Variants in UNC80 observed in about 807,000 individuals in gnomAD.
UNC80 encodes the protein unc-80 subunit of NALCN channel complex.
In UNC80, 164 loss-of-function variants were observed where a neutral mutation model predicts 384.6. That is an observed-to-expected ratio of 0.43 (90% CI 0.38 to 0.49). The LOEUF is 0.49. Among genes scored for constraint, UNC80 ranks in the 20% least tolerant of loss-of-function variants. The pLI, the probability that UNC80 is intolerant of heterozygous loss-of-function variation, is 0.00. For missense variants in UNC80, 3,330 were observed against 4,143.0 expected, an observed-to-expected ratio of 0.80 and a Z score of 5.39; for synonymous variants, 1,486 against 1,527.8, an observed-to-expected ratio of 0.97 and a Z score of 0.64.
chr2:209,856,821 T>C lies in UNC80; in HGVS notation c.3627+7198T>C, dbSNP rs185330015. Among the ~76,000 whole-genome samples the C allele has an allele frequency of 4.6e-5, 7 of 152,100 alleles. No individual in the cohort carries two copies. The East Asian group carries it at 9.7e-4, about 21-fold the overall frequency. On this transcript the variant is annotated intron_variant, in intron 22 of 64. Coordinates refer to ENST00000673920, the MANE Select transcript of UNC80 (RefSeq NM_001371986.1). ...TTTCGTTTTTGAGATGGAGGCTTGC[T>C]CTGTTGCCCAGGCTGGAGTGCAGTG... is the stretch of plus-strand genomic sequence containing the variant.
intron 4 of UNC80, 84 bp from the exon 5 acceptor site, chr2:209,785,982 T>C (rs1420238101): frequency 2.8e-6 from 4 of 1,410,712 alleles, no homozygotes; most frequent in East Asian, 4.9e-5. Context: ...ACCTTGTGAG[T>C]GATGTTAATC....
intron 64 of UNC80, 110 bp from the exon 65 acceptor site, chr2:209,995,219 A>C: frequency 1.5e-6 from 2 of 1,378,736 alleles, no homozygotes; most frequent in South Asian, 1.4e-5. Context: ...TGGAACTGGG[A>C]CTAGCCATCT....
At chr2:209,919,486 A>G (rs948847978) in intron 33 of UNC80, among the ~76,000 whole-genome samples, 37 of 152,202 alleles carry the variant, frequency 2.4e-4, no homozygotes, top group Admixed American at 3.3e-4. Flanking sequence ...AATAGAATTG[A>G]AAAGTATCTT....
chr2:209,807,395 T>C (rs6751939), intron 7 of UNC80, among the ~76,000 whole-genome samples: 4,500 of 143,308 alleles, frequency 0.031, 229 homozygotes, highest in African/African-American at 0.11. Flanking sequence ...GACGGAGTCT[T>C]GCTGTGTCGC....
At chr2:209,820,261 G>C (rs1241328929) in intron 12 of UNC80, 50 bp from the exon 13 acceptor site, 2 of 1,476,536 alleles carry the variant, frequency 1.4e-6, no homozygotes, top group Non-Finnish European at 1.8e-6. Flanking sequence ...TCTTTAGGAA[G>C]AGGGAGTGCA....
intron 4 of UNC80, among the ~76,000 whole-genome samples, chr2:209,780,773 T>C (rs2077115392): frequency 6.6e-6 from 1 of 152,126 alleles, no homozygotes; most frequent in Non-Finnish European, 1.5e-5. Context: ...TATCAGGTTC[T>C]GTTGGAGCCT....
chr2:209,891,040 T>C (rs575456889), intron 26 of UNC80, among the ~76,000 whole-genome samples: 14 of 152,350 alleles, frequency 9.2e-5, no homozygotes, highest in Non-Finnish European at 2.1e-4. Flanking sequence ...AATGATTTTA[T>C]GTGTTGAAGT....
Position 209,896,276 on chromosome 2 carries a change from G to A in UNC80, c.4481-37G>A, listed in dbSNP as rs138267942. 4.9e-4 allele frequency: 743 copies of A among 1,531,068 alleles called. 2 individuals are homozygous for A. Among genetic ancestry groups the A allele is most frequent in the Middle Eastern group, 1.4e-3 (8 of 5,762 alleles). 94.8% of individuals were successfully genotyped at this position (1,531,068 alleles called of 1,614,324 possible). ...TACCAACATGCTCTCCAGGGAGACCGAACACTGAAACCTTTCTTGGTATTT... is the reference window on the plus strand; with the variant it reads ...TACCAACATGCTCTCCAGGGAGACCAAACACTGAAACCTTTCTTGGTATTT... On this transcript the variant is annotated intron_variant, in intron 27 of 64. Transcript: ENST00000673920.
chr2:209,800,000 A>G (rs1274125607), intron 7 of UNC80, among the ~76,000 whole-genome samples: 1 of 152,184 alleles, frequency 6.6e-6, no homozygotes, highest in Non-Finnish European at 1.5e-5. Context: ...TTTTGCATCA[A>G]TGTTCATCAG....
rs2093524826 is a variant in UNC80 at position 209,999,224 on chromosome 2, A to T, written c.*3629A>T. On this transcript the variant is annotated 3_prime_UTR_variant, in exon 65 of 65. Coordinates refer to ENST00000673920, the MANE Select transcript of UNC80 (RefSeq NM_001371986.1). ...ATAAATACTGAAATGTTTATGAAAG[A>T]TATTTATGAAAGATATTAAGACTTC... 6.6e-6 allele frequency: 1 copy of T among 152,248 alleles called. No homozygotes were observed. The highest frequency in any genetic ancestry group is 1.5e-5 in the Non-Finnish European group (1 of 68,042). The allele number at this position is 152,248 out of a possible 1,614,324, so 9.4% of individuals were successfully genotyped here.
chr2:209,840,498 A>G, intron 19 of UNC80, 44 bp from the exon 20 acceptor site: 1 of 1,479,550 alleles, frequency 6.8e-7, no homozygotes, highest in Non-Finnish European at 9.2e-7. Context: ...AATTGATTGG[A>G]TAGAAAATGC....
chr2:209,921,911 C>T (rs1330146263), intron 34 of UNC80, among the ~76,000 whole-genome samples: 1 of 152,186 alleles, frequency 6.6e-6, no homozygotes, highest in East Asian at 1.9e-4. Flanking sequence ...ATTCAGGGAA[C>T]TGCTGAATCC....
At chr2:209,986,611 TC>T (rs2093294402) in intron 61 of UNC80, among the ~76,000 whole-genome samples, 1 of 152,196 alleles carries the variant, frequency 6.6e-6, no homozygotes, top group Admixed American at 6.5e-5. Context: ...CTGTCTTAGA[TC>T]AACTGCCGTT....
At chr2:209,953,158 C>CT (rs1253627495) in intron 47 of UNC80, among the ~76,000 whole-genome samples, 1 of 152,038 alleles carries the variant, frequency 6.6e-6, no homozygotes, top group African/African-American at 2.4e-5. Context: ...TGGTTCATGC[C>CT]TGTAATCCCA....
At chr2:209,910,471 GA>G (rs2088792648) in intron 29 of UNC80, among the ~76,000 whole-genome samples, 1 of 151,912 alleles carries the variant, frequency 6.6e-6, no homozygotes, top group Non-Finnish European at 1.5e-5. Context: ...ACCTTGATGT[GA>G]AAGCCCTTGC....
intron 3 of UNC80, 21 bp downstream of exon 3, chr2:209,776,066 C>CTTTTTTTTTT: frequency 1.2e-6 from 2 of 1,613,622 alleles, no homozygotes; most frequent in Non-Finnish European, 8.5e-7. Context: ...CGCATTACTT[C>CTTTTTTTTTT]TTTATTGCAT....
Position 209,870,955 on chromosome 2 carries a change from A to G in UNC80, c.3628-1803A>G, listed in dbSNP as rs142772487. ...GAGACAACATGTGGAATGGCAGAAG[A>G]TGTCATATTTGGGAGATAGCAACTA... On this transcript the variant is annotated intron_variant, in intron 22 of 64. Transcript: ENST00000673920. Among the ~76,000 whole-genome samples the G allele has an allele frequency of 1.6e-3, 246 of 152,278 alleles. 1 individual carries two copies. Among genetic ancestry groups the G allele is most frequent in the African/African-American group, 5.7e-3 (238 of 41,550 alleles).
chr2:209,989,000 C>T (rs915795474), intron 61 of UNC80, among the ~76,000 whole-genome samples: 1 of 152,104 alleles, frequency 6.6e-6, no homozygotes, highest in African/African-American at 2.4e-5. Context: ...AGTCATATCT[C>T]ATTCCCAAGA....
At chr2:209,800,442 T>C (rs975524853) in intron 7 of UNC80, among the ~76,000 whole-genome samples, 3 of 151,920 alleles carry the variant, frequency 2.0e-5, no homozygotes, top group Admixed American at 2.0e-4. Context: ...ATTTGATTCT[T>C]CTCTCTCTTC....
Sources: allele counts gnomAD v4.1 joint callset (sites outside exome capture counted in the v4.1 genomes callset), GRCh38; gene constraint gnomAD v4.1.1; transcripts MANE v1.5; gene names NCBI Gene and HGNC (gene_info 2026-07-23, HGNC 2026-07-21).